Variants in THSD4 observed in about 807,000 individuals in gnomAD.
THSD4 encodes the protein thrombospondin type 1 domain containing 4, also known as thrombospondin type-1 domain-containing protein 4.
Under a neutral mutation model 119.0 loss-of-function variants are expected in THSD4, and 69 were observed. That is an observed-to-expected ratio of 0.58 (90% CI 0.48 to 0.71). The LOEUF is 0.71. Among genes scored for constraint, THSD4 ranks in the 30% least tolerant of loss-of-function variants. The probability of loss-of-function intolerance (pLI) is 0.00; values close to 1 mark genes in which losing one functional copy is unlikely to be tolerated. For missense variants in THSD4, 1,393 were observed against 1,391.1 expected (o/e 1.00, Z -0.02); for synonymous variants, 524 against 540.4 (o/e 0.97, Z 0.42).
intron 1 of THSD4, among the ~76,000 whole-genome samples, chr15:71,132,840 G>A (rs969639163): frequency 2.0e-5 from 3 of 152,206 alleles, no homozygotes; most frequent in South Asian, 4.1e-4. Flanking sequence ...ATGTACACAC[G>A]TGCTCACCAG....
At chr15:71,547,578 T>C in intron 7 of THSD4, 1 of 1,433,102 alleles carries the variant, frequency 7.0e-7, no homozygotes, top group South Asian at 1.4e-5. Flanking sequence ...TGGAATTTTA[T>C]GGGGTGCAAA....
intron 7 of THSD4, among the ~76,000 whole-genome samples, chr15:71,583,301 T>A (rs1306288668): frequency 1.3e-5 from 2 of 152,148 alleles, no homozygotes; most frequent in Non-Finnish European, 2.9e-5. Flanking sequence ...CCTTTGACTC[T>A]TTTCTTATAG....
intron 1 of THSD4, among the ~76,000 whole-genome samples, chr15:71,098,963 T>C (rs2040243040): frequency 2.0e-5 from 3 of 152,236 alleles, no homozygotes; most frequent in African/African-American, 7.2e-5. Context: ...TGAATACTTG[T>C]ATGCAAATAA....
rs1007884741 is a variant in THSD4 at position 71,669,771 on chromosome 15, T to A, written c.1357+9037T>A. Among the ~76,000 whole-genome samples, 14 of 152,302 alleles carry A rather than the reference T, an allele frequency of 9.2e-5. No individual in the cohort carries two copies. In the South Asian group the frequency reaches 1.9e-3, roughly 20 times the overall value. ...TTTCTCCAAATGGAGCAGAGCCCAGTATGCTGCCAGGCTGCAGTCAGGCAG... is the reference window on the plus strand; with the variant it reads ...TTTCTCCAAATGGAGCAGAGCCCAGAATGCTGCCAGGCTGCAGTCAGGCAG... On this transcript the variant is annotated intron_variant, in intron 8 of 17. Transcript: ENST00000261862.
Position 71,576,963 on chromosome 15 carries a change from T to C in THSD4, c.1153-83567T>C, listed in dbSNP as rs143536852. ...ATTCAGAGCTCCCAAAAGCCTATAT[T>C]GGAGTGATATACAATTACTTTTTAA... On this transcript the variant is annotated intron_variant, in intron 7 of 17. Transcript: ENST00000261862. Among the ~76,000 whole-genome samples, 26 of 152,280 alleles carry C rather than the reference T, an allele frequency of 1.7e-4. No homozygotes were observed. The East Asian group carries it at 5.0e-3, about 29-fold the overall frequency.
In THSD4 at chr15:71,390,571, C is replaced by T. The variant is rs143828443; in HGVS notation, c.1016-21116C>T. Among the ~76,000 whole-genome samples the T allele has an allele frequency of 1.6e-4, 25 of 152,250 alleles. No homozygotes were observed. In the East Asian group the frequency reaches 4.6e-3, roughly 28 times the overall value. ...TATAGCCCTCCTTTGACGTCTAGCC[C>T]TCTGAACCCACAGTAACAGGCCTTG... On this transcript the variant is annotated intron_variant, in intron 6 of 17. Coordinates refer to ENST00000261862, the MANE Select transcript of THSD4 (RefSeq NM_024817.3).
At chr15:71,594,329 T>G (rs769212141) in intron 7 of THSD4, among the ~76,000 whole-genome samples, 10 of 152,032 alleles carry the variant, frequency 6.6e-5, no homozygotes, top group Non-Finnish European at 1.5e-4. Context: ...CTGCCTCAGC[T>G]TCCCCAGTAG....
At chr15:71,112,634 G>C (rs1217782693), upstream of THSD4, among the ~76,000 whole-genome samples, 1 of 152,182 alleles carries the variant, frequency 6.6e-6, no homozygotes. Flanking sequence ...ATGCCAGGCA[G>C]GCCCCCAGCC....
chr15:71,631,152 C>A (rs2050621141), intron 7 of THSD4, among the ~76,000 whole-genome samples: 1 of 152,190 alleles, frequency 6.6e-6, no homozygotes, highest in South Asian at 2.1e-4. Flanking sequence ...GAGTCATGGG[C>A]ACACAGTAGG....
At chr15:71,613,109 A>G (rs2050260013) in intron 7 of THSD4, among the ~76,000 whole-genome samples, 1 of 152,212 alleles carries the variant, frequency 6.6e-6, no homozygotes, top group African/African-American at 2.4e-5. Flanking sequence ...TCAAGGGTGT[A>G]GTATTTGTAT....
intron 7 of THSD4, among the ~76,000 whole-genome samples, chr15:71,443,376 A>G (rs1038691987): frequency 6.6e-6 from 1 of 152,058 alleles, no homozygotes; most frequent in African/African-American, 2.4e-5. Flanking sequence ...AGGTCTTTTT[A>G]CCCAACTTGG....
chr15:71,728,770 T>C, intron 9 of THSD4, 46 bp downstream of exon 9: 1 of 1,605,512 alleles, frequency 6.2e-7, no homozygotes, highest in Non-Finnish European at 8.5e-7. Context: ...TTGAATCTTG[T>C]CACTTCTAAG....
chr15:71,495,133 G>A (rs374024361), intron 7 of THSD4, among the ~76,000 whole-genome samples: 1 of 152,180 alleles, frequency 6.6e-6, no homozygotes, highest in African/African-American at 2.4e-5. Flanking sequence ...CAGTTTCCTC[G>A]AAAGGTAGAA....
intron 7 of THSD4, among the ~76,000 whole-genome samples, chr15:71,435,743 C>T (rs59418475): frequency 0.011 from 1,657 of 152,230 alleles, 36 homozygotes; most frequent in African/African-American, 0.038. Flanking sequence ...GACACGTGGC[C>T]ACATGGGGGT....
At chr15:71,212,820 A>C (rs752121101) in intron 3 of THSD4, among the ~76,000 whole-genome samples, 2 of 152,196 alleles carry the variant, frequency 1.3e-5, no homozygotes, top group Non-Finnish European at 2.9e-5. Flanking sequence ...GAGCCATATA[A>C]CATCAACCTC....
At chr15:71,718,674 C>G (rs1323760162) in intron 8 of THSD4, among the ~76,000 whole-genome samples, 1 of 152,124 alleles carries the variant, frequency 6.6e-6, no homozygotes, top group African/African-American at 2.4e-5. Flanking sequence ...ATGCACGCTC[C>G]CAGCGCCCCA....
Position 71,780,711 on chromosome 15 carries a change from A to G in THSD4, c.*3337A>G, listed in dbSNP as rs1180361904. On this transcript the variant is annotated 3_prime_UTR_variant, in exon 18 of 18. Coordinates refer to ENST00000261862, the MANE Select transcript of THSD4 (RefSeq NM_024817.3). ...GACAAGAATTCTCCGCACTGTGCCT[A>G]CCTGTCCCTTTACCTTACCTCTCTG... 8.8e-6 allele frequency: 4 copies of G among 456,418 alleles called. No homozygotes were observed. Among genetic ancestry groups the G allele is most frequent in the African/African-American group, 2.0e-5 (1 of 50,034 alleles). 28.3% of individuals were successfully genotyped at this position (456,418 alleles called of 1,614,324 possible).
chr15:71,676,436 C>CA (rs2051652877), intron 8 of THSD4, among the ~76,000 whole-genome samples: 1 of 152,158 alleles, frequency 6.6e-6, no homozygotes, highest in African/African-American at 2.4e-5. Flanking sequence ...CATGCACCAC[C>CA]ATGCCTGGCT....
chr15:71,710,643 T>G (rs71395025), intron 8 of THSD4, among the ~76,000 whole-genome samples: 4,729 of 152,342 alleles, frequency 0.031, 180 homozygotes, highest in Admixed American at 0.11. Flanking sequence ...TTTATTATTA[T>G]TTGTGAAAGT....
Sources: gnomAD v4.1 joint callset for allele counts (sites outside exome capture counted in the v4.1 genomes callset) on GRCh38, gnomAD v4.1.1 for gene constraint, MANE v1.5 for transcripts, NCBI Gene and HGNC (gene_info 2026-07-23, HGNC 2026-07-21) for gene names.